TMCC2: variants seen among roughly 807,000 people sequenced by gnomAD.
TMCC2 encodes the protein transmembrane and coiled-coil domain family 2, also known as transmembrane and coiled-coil domains protein 2.
A neutral mutation model predicts 49.4 loss-of-function variants in TMCC2; 16 were observed. The observed-to-expected ratio is 0.32, with a 90% CI of 0.22 to 0.49. The LOEUF (loss-of-function observed/expected upper bound fraction) is 0.49. Among genes scored for constraint, TMCC2 ranks in the 20% least tolerant of loss-of-function variants. The pLI, the probability that TMCC2 is intolerant of heterozygous loss-of-function variation, is 0.99. For synonymous variants in TMCC2, 397 were observed against 434.1 expected, an observed-to-expected ratio of 0.91 and a Z score of 1.06; for missense variants, 762 against 989.8, an observed-to-expected ratio of 0.77 and a Z score of 3.09.
intron 2 of TMCC2, among the ~76,000 whole-genome samples, chr1:205,253,235 G>T (rs1255196849): frequency 6.6e-6 from 1 of 152,028 alleles, no homozygotes; most frequent in East Asian, 1.9e-4. Context: ...AAAAAAATAA[G>T]ATTTAAAGAA....
intron 2 of TMCC2, among the ~76,000 whole-genome samples, chr1:205,258,564 G>A (rs1378589265): frequency 1.3e-5 from 2 of 152,154 alleles, no homozygotes; most frequent in Non-Finnish European, 2.9e-5. Context: ...CACATCCAGA[G>A]CTGGAGTGAG....
At chr1:205,268,517 G>C (rs1661440798) in intron 2 of TMCC2, among the ~76,000 whole-genome samples, 2 of 152,234 alleles carry the variant, frequency 1.3e-5, no homozygotes, top group Admixed American at 1.3e-4. Flanking sequence ...GGGAGGCAGA[G>C]GCAGGAGAAT....
intron 2 of TMCC2, among the ~76,000 whole-genome samples, chr1:205,252,008 G>A (rs1049764477): frequency 1.3e-5 from 2 of 152,202 alleles, no homozygotes; most frequent in Non-Finnish European, 1.5e-5. Context: ...TGCCCAAAAA[G>A]GAGATGTGGC....
intron 2 of TMCC2, among the ~76,000 whole-genome samples, chr1:205,266,026 G>A (rs1661308904): frequency 6.7e-6 from 1 of 149,694 alleles, no homozygotes; most frequent in African/African-American, 2.4e-5. Context: ...CGGATCATGA[G>A]GTCAGGAGAT....
intron 1 of TMCC2, among the ~76,000 whole-genome samples, chr1:205,232,153 T>C (rs999705787): frequency 6.6e-6 from 1 of 152,174 alleles, no homozygotes; most frequent in African/African-American, 2.4e-5. Flanking sequence ...TACAGTGCCC[T>C]GGGATCTGTG....
chr1:205,268,388 C>T (rs1661433542), intron 2 of TMCC2, among the ~76,000 whole-genome samples: 1 of 152,152 alleles, frequency 6.6e-6, no homozygotes, highest in African/African-American at 2.4e-5. Context: ...CCAAGGCAGG[C>T]AGATCACTTG....
chr1:205,229,441 C>T (rs1051394492), intron 1 of TMCC2, among the ~76,000 whole-genome samples: 1 of 150,842 alleles, frequency 6.6e-6, no homozygotes, highest in Non-Finnish European at 1.5e-5. Context: ...CCGCCTCGGC[C>T]TTCCTAAGTG....
chr1:205,241,557 T>C lies in TMCC2; in HGVS notation c.260T>C (p.Leu87Pro), dbSNP rs1417947795. The stretch of plus-strand genomic sequence containing the variant: ...ATGTTTGGCCACGGTCTGAAGCACC[T>C]GTTCCACAGCCGCCGTCGGTCTCGG... ...GSMFGHGLKH[L>P]FHSRRRSRER... Residue 87 changes from leucine (L) to proline (P), a missense_variant, in exon 2 of 5, where the codon CTG becomes CCG. Leu to Pro is a moderately conservative substitution (Grantham distance 98). Transcript: ENST00000358024. This position sits in a 1 kb window ranked among gnomAD's most constrained non-coding sequence, Gnocchi z 7.3. 1 of 1,613,660 alleles carries C rather than the reference T, an allele frequency of 6.2e-7. No homozygotes were observed. Among genetic ancestry groups the C allele is most frequent in the African/African-American group, 1.3e-5 (1 of 74,862 alleles).
intron 1 of TMCC2, among the ~76,000 whole-genome samples, chr1:205,232,235 C>T (rs1197138036): frequency 6.6e-6 from 1 of 152,118 alleles, no homozygotes; most frequent in Non-Finnish European, 1.5e-5. Context: ...TGAAAAATAA[C>T]CTAAAAATGG....
chr1:205,245,485 C>T (rs1660420533), intron 2 of TMCC2, among the ~76,000 whole-genome samples: 1 of 152,144 alleles, frequency 6.6e-6, no homozygotes, highest in African/African-American at 2.4e-5. Flanking sequence ...GTCAGAGTTC[C>T]AAGGGAAACT....
chr1:205,268,009 T>C (rs1668871), intron 2 of TMCC2: 355,515 of 985,034 alleles, frequency 0.36, 66,782 homozygotes, highest in Non-Finnish European at 0.39. Flanking sequence ...ACTGGGGGCT[T>C]CCACCATTAT....
At chr1:205,246,379 G>A (rs777390169) in intron 2 of TMCC2, 39 of 768,762 alleles carry the variant, frequency 5.1e-5, no homozygotes, top group Non-Finnish European at 6.5e-5. Flanking sequence ...AAACATCCAC[G>A]TGGAAATGCC....
intron 2 of TMCC2, 120 bp downstream of exon 2, chr1:205,242,164 C>A (rs1043452967): frequency 2.1e-5 from 24 of 1,132,472 alleles, no homozygotes; most frequent in African/African-American, 3.2e-5. Flanking sequence ...ACCCCACCGT[C>A]TGCAGAGTTA....
chr1:205,269,100 A>C lies in TMCC2; in HGVS notation c.898A>C (p.Thr300Pro). The C allele has an allele frequency of 6.2e-7, 1 of 1,614,052 alleles. No homozygotes were observed. Among genetic ancestry groups the C allele is most frequent in the Non-Finnish European group, 8.5e-7 (1 of 1,180,026 alleles). The change falls in exon 3 of 5, where the codon ACC becomes CCC. Residue 300 changes from threonine to proline, a missense_variant. Thr to Pro is a conservative substitution (Grantham distance 38). Around this residue, in one of 2 missense-constraint regions of TMCC2, gnomAD observed 440 missense variants for 636.7 expected, o/e 0.69. Coordinates refer to ENST00000358024, the MANE Select transcript of TMCC2 (RefSeq NM_014858.4). ...DHLHQKILKI[T>P]EQIKIEQEAR... The stretch of plus-strand genomic sequence containing the variant: ...CCTGCACCAGAAGATCCTGAAGATC[A>C]CCGAGCAGATCAAGATTGAGCAGGA...
At chr1:205,229,559 T>TGGGGGGGGGGGGGGGGG (rs1659706107) in intron 1 of TMCC2, 1 of 189,972 alleles carries the variant, frequency 5.3e-6, no homozygotes, top group Admixed American at 8.8e-4. Context: ...GGGGGGGGGG[T>TGGGGGGGGGGGGGGGGG]GGTGGCGGGG....
intron 4 of TMCC2, 31 bp downstream of exon 4, chr1:205,271,286 G>C: frequency 1.2e-6 from 2 of 1,613,870 alleles, no homozygotes; most frequent in Non-Finnish European, 1.7e-6. Context: ...GGAGGCCCCA[G>C]ATGTGCTGGT....
In TMCC2 at chr1:205,249,105, C is replaced by T. The variant is rs80114912; in HGVS notation, c.747+7061C>T. Among the ~76,000 whole-genome samples the T allele has an allele frequency of 4.9e-4, 74 of 152,204 alleles. 1 individual carries two copies. In the East Asian group the frequency reaches 0.011, roughly 23 times the overall value. ...GAAGGAAGAGAGGGCCAAGATCTCC[C>T]CAGTCGTGCTGCAGGTGAAGTGAGG... is the stretch of plus-strand genomic sequence containing the variant. On this transcript the variant is annotated intron_variant, in intron 2 of 4. Transcript: ENST00000358024.
chr1:205,251,111 TATCCC>T (rs1318972066), intron 2 of TMCC2, among the ~76,000 whole-genome samples: 2 of 152,164 alleles, frequency 1.3e-5, no homozygotes, highest in Non-Finnish European at 2.9e-5. Context: ...TTTCTCTGTA[TATCCC>T]ACAGAGCAGA....
intron 2 of TMCC2, among the ~76,000 whole-genome samples, chr1:205,250,065 G>T (rs1660606609): frequency 6.6e-6 from 1 of 152,196 alleles, no homozygotes; most frequent in African/African-American, 2.4e-5. Context: ...TAGGGGTCCT[G>T]TCTGATTAGG....
Sources: allele counts gnomAD v4.1 joint callset (sites outside exome capture counted in the v4.1 genomes callset), GRCh38; gene constraint gnomAD v4.1.1; regional missense constraint gnomAD v4.1.1; non-coding constraint Gnocchi (gnomAD v3.1); transcripts MANE v1.5; gene names NCBI Gene and HGNC (gene_info 2026-07-23, HGNC 2026-07-21).